The following DMXL1 variants were observed in gnomAD, a reference collection of about 807,000 sequenced individuals.
DMXL1 encodes the protein dmX-like protein 1.
Under a neutral mutation model 319.2 loss-of-function variants are expected in DMXL1, and 99 were observed. That is an observed-to-expected ratio of 0.31 (90% CI 0.26 to 0.37). The LOEUF (loss-of-function observed/expected upper bound fraction) is 0.37. Among genes scored for constraint, DMXL1 ranks in the 10% least tolerant of loss-of-function variants. The pLI is 1.00. For missense variants in DMXL1, 3,745 were observed against 3,595.6 expected (o/e 1.04, Z -1.06); for synonymous variants, 1,385 against 1,235.2 (o/e 1.12, Z -2.54).
intron 4 of DMXL1, among the ~76,000 whole-genome samples, chr5:119,108,034 A>G (rs539819539): frequency 9.2e-5 from 14 of 152,320 alleles, no homozygotes; most frequent in Non-Finnish European, 1.5e-4. Context: ...TTTCTGATCT[A>G]AAGTCTATGC....
chr5:119,188,959 G>A (rs1398753408), intron 28 of DMXL1, among the ~76,000 whole-genome samples: 1 of 152,144 alleles, frequency 6.6e-6, no homozygotes, highest in African/African-American at 2.4e-5. Context: ...GGAATTCTTT[G>A]CCTGTGTATT....
chr5:119,105,085 C>A, intron 3 of DMXL1, 95 bp from the exon 4 acceptor site: 1 of 763,482 alleles, frequency 1.3e-6, no homozygotes, highest in Non-Finnish European at 2.3e-6. Flanking sequence ...AAATTGACTG[C>A]CTGTGTTATT....
In DMXL1 at chr5:119,177,468, A is replaced by C; in HGVS notation, c.6870A>C (p.Ser2290=). The stretch of plus-strand genomic sequence containing the variant: ...ATGAAGCATTAACTCCCAATACGTC[A>C]CCAGCTCAATGGCCAGGTATAATTT... The part of the protein sequence containing the change: ...SLDEALTPNT[S]PAQWPGITCL... Residue 2290 remains serine (S), a synonymous_variant, in exon 27 of 44, where the codon TCA becomes TCC. Transcript: ENST00000539542. 1 of 1,602,374 alleles carries C rather than the reference A, an allele frequency of 6.2e-7. No homozygotes were observed. Among genetic ancestry groups the C allele is most frequent in the Non-Finnish European group, 8.5e-7 (1 of 1,175,228 alleles).
chr5:119,234,671 A>AAACTTAAAGACC (rs1787400154), intron 39 of DMXL1, among the ~76,000 whole-genome samples: 2 of 152,118 alleles, frequency 1.3e-5, no homozygotes, highest in African/African-American at 2.4e-5. Flanking sequence ...TTTTAGTTGT[A>AAACTTAAAGACC]TTCTCTATCA....
In DMXL1 at chr5:119,128,064, A is replaced by C. The variant is rs1219550987; in HGVS notation, c.1103-1147A>C. 3 of 454,172 alleles carry C rather than the reference A, an allele frequency of 6.6e-6. No individual in the cohort carries two copies. The East Asian group carries it at 1.7e-4, about 26-fold the overall frequency. The allele number at this position is 454,172 out of a possible 1,614,324, so 28.1% of individuals were successfully genotyped here. On this transcript the variant is annotated intron_variant, in intron 9 of 43. Coordinates refer to ENST00000539542, the MANE Select transcript of DMXL1 (RefSeq NM_001290321.3). ...GTGGTCCTCAATTTACTATCAGTGTAGTCAGTAACCAACAATTACTATTAC... is the reference window on the plus strand; with the variant it reads ...GTGGTCCTCAATTTACTATCAGTGTCGTCAGTAACCAACAATTACTATTAC...
At chr5:119,234,049 C>CA (rs1344164959) in intron 39 of DMXL1, among the ~76,000 whole-genome samples, 25 of 152,244 alleles carry the variant, frequency 1.6e-4, no homozygotes, top group African/African-American at 5.3e-4. Flanking sequence ...TTCAGGAGGA[C>CA]AAAGACCTTA....
At chr5:119,174,765 CT>C (rs1775451914) in intron 25 of DMXL1, among the ~76,000 whole-genome samples, 1 of 151,914 alleles carries the variant, frequency 6.6e-6, no homozygotes. Flanking sequence ...CAGTTACTGC[CT>C]TTTATACCTT....
chr5:119,078,955 C>T (rs1399424129), intron 1 of DMXL1, among the ~76,000 whole-genome samples: 1 of 152,126 alleles, frequency 6.6e-6, no homozygotes, highest in African/African-American at 2.4e-5. Context: ...ACTGTCTGGA[C>T]CCTTTTTGTT....
chr5:119,124,549 C>A (rs1310254100), intron 9 of DMXL1, among the ~76,000 whole-genome samples: 3 of 145,202 alleles, frequency 2.1e-5, no homozygotes, highest in Non-Finnish European at 4.5e-5. Flanking sequence ...GTTCCTTTGA[C>A]ATTATGGTGA....
At chr5:119,164,895 G>A (rs1376011066) in intron 20 of DMXL1, among the ~76,000 whole-genome samples, 1 of 145,796 alleles carries the variant, frequency 6.9e-6, no homozygotes, top group Non-Finnish European at 1.5e-5. Flanking sequence ...CTTGTTAGTA[G>A]TATATGTCTG....
At chr5:119,150,522 C>T (rs1769537860) in intron 18 of DMXL1, 101 bp downstream of exon 18, 1 of 1,291,148 alleles carries the variant, frequency 7.7e-7, no homozygotes, top group Non-Finnish European at 1.0e-6. Flanking sequence ...GGCACAGGGG[C>T]TTATGCCTGT....
At chr5:119,144,016 A>C in intron 14 of DMXL1, 86 bp downstream of exon 14, 1 of 798,040 alleles carries the variant, frequency 1.3e-6, no homozygotes, top group African/African-American at 1.8e-5. Context: ...ATGTAATTTG[A>C]AAATTTGCTA....
chr5:119,149,706 C>A lies in DMXL1; in HGVS notation c.3879C>A (p.Ile1293=), dbSNP rs1367714139. 3 of 1,613,896 alleles carry A rather than the reference C, an allele frequency of 1.9e-6. No homozygotes were observed. Among genetic ancestry groups the A allele is most frequent in the Non-Finnish European group, 2.5e-6 (3 of 1,179,952 alleles). Residue 1293 remains isoleucine, a synonymous_variant, in exon 18 of 44, where the codon ATC becomes ATA. Coordinates refer to ENST00000539542, the MANE Select transcript of DMXL1 (RefSeq NM_001290321.3). ...TRSMTSLAQK[I]CGKKTAFDPS... Reference sequence around the variant, plus strand: ...CCATGACCAGTCTTGCACAGAAAATCTGTGGAAAGAAAACTGCATTCGATC... The same window carrying A: ...CCATGACCAGTCTTGCACAGAAAATATGTGGAAAGAAAACTGCATTCGATC...
In DMXL1 at chr5:119,165,279, A is replaced by C; in HGVS notation, c.4969A>C (p.Arg1657=). Residue 1657 remains arginine, a splice_region_variant and synonymous_variant, in exon 21 of 44, where the codon AGA becomes CGA. Transcript: ENST00000539542. The part of the protein sequence containing the change: ...KKKAVIWGLY[R]AEKNTRMTQF... ...GAAAGCTGTGATTTGGGGATTATAT[A>C]GGTAGGTAAAAAAAAAAAAAAAAAA... 2 of 1,375,126 alleles carry C rather than the reference A, an allele frequency of 1.5e-6. No individual in the cohort carries two copies. Among genetic ancestry groups the C allele is most frequent in the Non-Finnish European group, 2.0e-6 (2 of 997,320 alleles). 85.2% of individuals were successfully genotyped at this position (1,375,126 alleles called of 1,614,324 possible).
In DMXL1 at chr5:119,149,738, T is replaced by C. The variant is rs1026626253; in HGVS notation, c.3911T>C (p.Val1304Ala). The change falls in exon 18 of 44, where the codon GTG (valine) becomes GCG (alanine). Residue 1304 changes from valine (V) to alanine (A), a missense_variant. This residue lies in a region of DMXL1 where 2,096 missense variants were observed against 1,985.4 expected (regional missense o/e 1.06). Transcript: ENST00000539542. The part of the protein sequence containing the change: ...CGKKTAFDPS[V>A]DMEDSGLFEA... ...AAGAAAACTGCATTCGATCCTTCAG[T>C]GGATATGGAAGATTCAGGTCTTTTT... 2.5e-6 allele frequency: 4 copies of C among 1,613,884 alleles called. No individual in the cohort carries two copies. The African/African-American group carries it at 5.3e-5, about 22-fold the overall frequency.
chr5:119,104,936 A>G (rs1003139349), intron 3 of DMXL1, among the ~76,000 whole-genome samples: 5 of 152,242 alleles, frequency 3.3e-5, no homozygotes, highest in African/African-American at 9.6e-5. Flanking sequence ...TAAGACTGTT[A>G]TCCAAGGTAG....
intron 28 of DMXL1, among the ~76,000 whole-genome samples, chr5:119,181,193 G>A (rs896261624): frequency 5.9e-5 from 9 of 152,142 alleles, no homozygotes; most frequent in African/African-American, 2.2e-4. Context: ...GTCATAAGCT[G>A]TATCCTACCA....
intron 34 of DMXL1, among the ~76,000 whole-genome samples, chr5:119,208,388 A>G (rs1312303866): frequency 1.3e-5 from 2 of 151,746 alleles, no homozygotes. Flanking sequence ...CAATTTTTGT[A>G]TTTTTAATAG....
chr5:119,236,778 C>G (rs1468839969), intron 39 of DMXL1: 1 of 151,874 alleles, frequency 6.6e-6, no homozygotes, highest in Non-Finnish European at 1.5e-5. Context: ...ATTTAGCTGT[C>G]TTACTCATCC....
Sources: allele counts gnomAD v4.1 joint callset (sites outside exome capture counted in the v4.1 genomes callset), GRCh38; gene constraint gnomAD v4.1.1; regional missense constraint gnomAD v4.1.1; transcripts MANE v1.5; gene names NCBI Gene and HGNC (gene_info 2026-07-23, HGNC 2026-07-21).